The following FOXL2NB variants were observed in gnomAD, a reference collection of about 807,000 sequenced individuals.
The protein encoded by FOXL2NB is FOXL2 neighbor protein.
Under a neutral mutation model 7.4 loss-of-function variants are expected in FOXL2NB, and 10 were observed. That is an observed-to-expected ratio of 1.34 (90% CI 0.83 to 2.28). FOXL2NB has a LOEUF of 2.28. Ranked by LOEUF, FOXL2NB falls within the 30% of genes most tolerant of loss-of-function variation. FOXL2NB has a pLI of 0.00. For synonymous variants in FOXL2NB, 104 were observed against 105.3 expected (o/e 0.99, Z 0.08); for missense variants, 228 against 233.9 (o/e 0.97, Z 0.17).
rs1936132523 is a variant in FOXL2NB, at chr3:138,951,576, A to C, written c.*1004A>C. 1.3e-5 allele frequency: 2 copies of C among 152,224 alleles called. No individual in the cohort carries two copies. Among genetic ancestry groups the C allele is most frequent in the Non-Finnish European group, 2.9e-5 (2 of 68,058 alleles). 9.4% of individuals were successfully genotyped at this position (152,224 alleles called of 1,614,324 possible). A position where few individuals can be genotyped will look rare whatever the true frequency, so the allele number is the denominator to read the frequency against. ...GGCAGAAGGGTCTGGGTCCTGGGCC[A>C]AGTGAGGCCCTCTTCCCTCCAAAGA... On this transcript the variant is annotated 3_prime_UTR_variant, in exon 3 of 3. Transcript: ENST00000383165.
chr3:138,949,452 G>A lies in FOXL2NB; in HGVS notation c.101-68G>A, dbSNP rs1224617741. ...GGGCAAATGAAGGAGTTCCTCTGAA[G>A]GATTTTCAGAATAGAAAGGAGTTCT... On this transcript the variant is annotated intron_variant, in intron 1 of 2. Coordinates refer to ENST00000383165, the MANE Select transcript of FOXL2NB (RefSeq NM_001040061.3). This position sits in a 1 kb window ranked among gnomAD's most constrained non-coding sequence, Gnocchi z 4.5. The A allele has an allele frequency of 5.7e-6, 9 of 1,582,418 alleles. No homozygotes were observed. In the East Asian group the frequency reaches 1.6e-4, roughly 28 times the overall value.
At position 138,953,960 on chromosome 3, in the gene FOXL2NB, CATAA is replaced by C. The variant is rs1413316666; in HGVS notation, c.*3394_*3397del. ...ACATTTGTTTCCAGTTTTTGGATATCATAAATAAAGCTGCTGTGCACATTGTTGT... is the reference window on the plus strand; with the variant it reads ...ACATTTGTTTCCAGTTTTTGGATATCATAAAGCTGCTGTGCACATTGTTGT... On this transcript the variant is annotated 3_prime_UTR_variant, in exon 3 of 3. Coordinates refer to ENST00000383165, the MANE Select transcript of FOXL2NB (RefSeq NM_001040061.3). Among the ~76,000 whole-genome samples the C allele has an allele frequency of 6.6e-6, 1 of 152,172 alleles. No homozygotes were observed. Among genetic ancestry groups the C allele is most frequent in the Non-Finnish European group, 1.5e-5 (1 of 68,034 alleles).
rs749262156 is a variant in FOXL2NB at position 138,950,659 on chromosome 3, G to A, written c.*87G>A. The A allele has an allele frequency of 1.1e-5, 15 of 1,403,900 alleles. No individual in the cohort carries two copies. Among genetic ancestry groups the A allele is most frequent in the Non-Finnish European group, 1.5e-5 (15 of 1,009,906 alleles). 87.0% of individuals were successfully genotyped at this position (1,403,900 alleles called of 1,614,324 possible). A position where few individuals can be genotyped will look rare whatever the true frequency, so the allele number is the denominator to read the frequency against. ...CAGGGCCCTTTGCACCCACACCTCA[G>A]GGACTCGGTGTCCCTCCACTCAGGT... On this transcript the variant is annotated 3_prime_UTR_variant, in exon 3 of 3. Transcript: ENST00000383165.
At position 138,949,391 on chromosome 3, in the gene FOXL2NB, C is replaced by CGTGCGTGTGTGTGTGT. The variant is rs1553753221; in HGVS notation, c.101-126_101-125insCGTGTGTGTGTGTGTG. ...AAGAGCCTGTGTGTGTATGCATGTGCGTGTGTGTGTGTGTGTGTGTGTGTG... is the reference window on the plus strand; with the variant it reads ...AAGAGCCTGTGTGTGTATGCATGTGCGTGCGTGTGTGTGTGTGTGTGTGTGTGTGTGTGTGTGTGTG... On this transcript the variant is annotated intron_variant, in intron 1 of 2. Transcript: ENST00000383165. This position sits in a 1 kb window ranked among gnomAD's most constrained non-coding sequence, Gnocchi z 4.5. 4.9e-6 allele frequency: 4 copies of CGTGCGTGTGTGTGTGT among 818,024 alleles called. No homozygotes were observed. The African/African-American group carries it at 5.5e-5, about 11-fold the overall frequency. 50.7% of individuals were successfully genotyped at this position (818,024 alleles called of 1,614,324 possible).
rs899137190 is a variant in FOXL2NB, at chr3:138,951,467, C to T, written c.*895C>T. 1 of 152,198 alleles carries T rather than the reference C, an allele frequency of 6.6e-6. No homozygotes were observed. Among genetic ancestry groups the T allele is most frequent in the African/African-American group, 2.4e-5 (1 of 41,434 alleles). The allele number at this position is 152,198 out of a possible 1,614,324, so 9.4% of individuals were successfully genotyped here. A position where few individuals can be genotyped will look rare whatever the true frequency, so the allele number is the denominator to read the frequency against. The stretch of plus-strand genomic sequence containing the variant: ...TGAGTCCTCCAACACCATTTTGTCC[C>T]AAGGAGTATGTGCCCCATCGTCAAT... On this transcript the variant is annotated 3_prime_UTR_variant, in exon 3 of 3. Transcript: ENST00000383165.
At position 138,947,419 on chromosome 3, in the gene FOXL2NB, G is replaced by C. The variant is rs1035877375; in HGVS notation, c.55G>C (p.Gly19Arg). ...CACCCGGCCAAAGCCCAGGAAGCTCGGGCCCCAGCGAGGAAAGGCGCTCCA... is the reference window on the plus strand; with the variant it reads ...CACCCGGCCAAAGCCCAGGAAGCTCCGGCCCCAGCGAGGAAAGGCGCTCCA... Reference protein sequence around the residue: ...ARTRPKPRKLGPQRGKALQAS... With the variant: ...ARTRPKPRKLRPQRGKALQAS... Residue 19 changes from glycine to arginine, a missense_variant, in exon 1 of 3, where the codon GGG becomes CGG. Physicochemically the swap from Gly to Arg is moderately radical, Grantham distance 125. Transcript: ENST00000383165. This position sits in a 1 kb window ranked among gnomAD's most constrained non-coding sequence, Gnocchi z 5.2. 11 of 1,547,754 alleles carry C rather than the reference G, an allele frequency of 7.1e-6. No homozygotes were observed. Among genetic ancestry groups the C allele is most frequent in the African/African-American group, 4.1e-5 (3 of 72,954 alleles).
At chr3:138,948,707 C>T (rs1481234863) in intron 1 of FOXL2NB, among the ~76,000 whole-genome samples, 1 of 152,210 alleles carries the variant, frequency 6.6e-6, no homozygotes, top group African/African-American at 2.4e-5. Flanking sequence ...CTTCAGCGGC[C>T]TGTGGTTCCA....
At position 138,950,507 on chromosome 3, in the gene FOXL2NB, C is replaced by A. The variant is rs759709914; in HGVS notation, c.463C>A (p.Leu155Ile). ...GGAGAGAATAGAGCTTGCTGCAACC[C>A]TCTGCTTGGAGGGATGGCCTCTGCG... ...ERERIELAAT[L>I]CLEGWPLRCL... is the part of the protein sequence containing the mutation. Residue 155 changes from leucine to isoleucine, a missense_variant, in exon 3 of 3, where the codon CTC (leucine) becomes ATC (isoleucine). Leu to Ile is a conservative substitution (Grantham distance 5). Transcript: ENST00000383165. 2.2e-5 allele frequency: 36 copies of A among 1,614,122 alleles called. No homozygotes were observed. Among genetic ancestry groups the A allele is most frequent in the Non-Finnish European group, 2.9e-5 (34 of 1,180,044 alleles).
rs1936134328 is a variant in FOXL2NB, at chr3:138,951,668, C to G, written c.*1096C>G. The G allele has an allele frequency of 6.6e-6, 1 of 152,286 alleles. No homozygotes were observed. Among genetic ancestry groups the G allele is most frequent in the Admixed American group, 6.5e-5 (1 of 15,288 alleles). The allele number at this position is 152,286 out of a possible 1,614,324, so 9.4% of individuals were successfully genotyped here. ...GCTGCTGACAAGTTTCCTCTGATAT[C>G]CCTCATGACATCTATGGCCCAAAGC... On this transcript the variant is annotated 3_prime_UTR_variant, in exon 3 of 3. Coordinates refer to ENST00000383165, the MANE Select transcript of FOXL2NB (RefSeq NM_001040061.3).
rs1349686765 is a variant in FOXL2NB at position 138,953,818 on chromosome 3, T to A, written c.*3246T>A. ...TAGCATGTATGCCTTTATGTCTAGT[T>A]TTTTCTGTGCAACATATTTTTAATA... On this transcript the variant is annotated 3_prime_UTR_variant, in exon 3 of 3. Coordinates refer to ENST00000383165, the MANE Select transcript of FOXL2NB (RefSeq NM_001040061.3). Among the ~76,000 whole-genome samples, 2 of 152,246 alleles carry A rather than the reference T, an allele frequency of 1.3e-5. No homozygotes were observed. Among genetic ancestry groups the A allele is most frequent in the Admixed American group, 6.5e-5 (1 of 15,286 alleles).
chr3:138,947,499 C>G lies in FOXL2NB; in HGVS notation c.100+35C>G. 7.9e-6 allele frequency: 12 copies of G among 1,521,310 alleles called. No homozygotes were observed. The highest frequency in any genetic ancestry group is 1.1e-5 in the Non-Finnish European group (12 of 1,127,408). 94.2% of individuals were successfully genotyped at this position (1,521,310 alleles called of 1,614,324 possible). ...AACGACTCCTTTGCTCTGCCGTTTG[C>G]TGCCGTCTTGAGGCTGAACTTCTAG... On this transcript the variant is annotated intron_variant, in intron 1 of 2. Coordinates refer to ENST00000383165, the MANE Select transcript of FOXL2NB (RefSeq NM_001040061.3). This position sits in a 1 kb window ranked among gnomAD's most constrained non-coding sequence, Gnocchi z 5.2.
rs1415265718 is a variant in FOXL2NB, at chr3:138,952,945, C to T, written c.*2373C>T. ...GTGCACTTGTCACCCGAGCATTGTA[C>T]ACGGTACCCAGTGTGTAATCTTTTA... On this transcript the variant is annotated 3_prime_UTR_variant, in exon 3 of 3. Coordinates refer to ENST00000383165, the MANE Select transcript of FOXL2NB (RefSeq NM_001040061.3). 2 of 152,048 alleles carry T rather than the reference C, an allele frequency of 1.3e-5. No individual in the cohort carries two copies. Among genetic ancestry groups the T allele is most frequent in the Non-Finnish European group, 2.9e-5 (2 of 68,024 alleles). 9.4% of individuals were successfully genotyped at this position (152,048 alleles called of 1,614,324 possible).
In FOXL2NB at chr3:138,949,418, A is replaced by T; in HGVS notation, c.101-102A>T. 4.9e-6 allele frequency: 5 copies of T among 1,025,850 alleles called. No individual in the cohort carries two copies. The highest frequency in any genetic ancestry group is 5.4e-6 in the Non-Finnish European group (4 of 747,326). The allele number at this position is 1,025,850 out of a possible 1,614,324, so 63.5% of individuals were successfully genotyped here. On this transcript the variant is annotated intron_variant, in intron 1 of 2. Transcript: ENST00000383165. This position sits in a 1 kb window ranked among gnomAD's most constrained non-coding sequence, Gnocchi z 4.5. ...TGTGTGTGTGTGTGTGTGTGTGTGTAGGGGTTGGGGGCAAATGAAGGAGTT... is the reference window on the plus strand; with the variant it reads ...TGTGTGTGTGTGTGTGTGTGTGTGTTGGGGTTGGGGGCAAATGAAGGAGTT...
rs892792734 is a variant in FOXL2NB at position 138,953,469 on chromosome 3, T to C, written c.*2897T>C. On this transcript the variant is annotated 3_prime_UTR_variant, in exon 3 of 3. Transcript: ENST00000383165. ...GCTGTGAATGCCATTATTTTGTTCC[T>C]TTTTATGGCTGAGTAGTATTCCATG... is the stretch of plus-strand genomic sequence containing the variant. 3.3e-5 allele frequency: 5 copies of C among 152,268 alleles called. No homozygotes were observed. Among genetic ancestry groups the C allele is most frequent in the Admixed American group, 1.3e-4 (2 of 15,292 alleles). 9.4% of individuals were successfully genotyped at this position (152,268 alleles called of 1,614,324 possible).
chr3:138,949,732 T>C lies in FOXL2NB; in HGVS notation c.220+93T>C. ...AAAGCCAGGGGCTTCGGGCTGGAGA[T>C]AGAGGAATCTAGGGAGAGAACAGAA... On this transcript the variant is annotated intron_variant, in intron 2 of 2. Transcript: ENST00000383165. The surrounding 1 kb of genome is among the most constrained non-coding windows in gnomAD (Gnocchi z 4.5). The C allele has an allele frequency of 6.4e-7, 1 of 1,553,336 alleles. No homozygotes were observed. The highest frequency in any genetic ancestry group is 1.1e-5 in the South Asian group (1 of 89,752).
Position 138,947,259 on chromosome 3 carries a change from C to T in FOXL2NB, c.-106C>T. ...ACTTTTTGTAAACGCCCCGCACAGC[C>T]TGGACCGGCCTGCCCCCGCCCAGCG... On this transcript the variant is annotated 5_prime_UTR_variant, in exon 1 of 3. Coordinates refer to ENST00000383165, the MANE Select transcript of FOXL2NB (RefSeq NM_001040061.3). This position sits in a 1 kb window ranked among gnomAD's most constrained non-coding sequence, Gnocchi z 5.2. The T allele has an allele frequency of 1.1e-6, 1 of 892,182 alleles. No individual in the cohort carries two copies. Among genetic ancestry groups the T allele is most frequent in the Non-Finnish European group, 1.7e-6 (1 of 581,852 alleles). The allele number at this position is 892,182 out of a possible 1,614,324, so 55.3% of individuals were successfully genotyped here. A position where few individuals can be genotyped will look rare whatever the true frequency, so the allele number is the denominator to read the frequency against.
chr3:138,949,445 C>T lies in FOXL2NB; in HGVS notation c.101-75C>T. ...GGGTTGGGGGCAAATGAAGGAGTTC[C>T]TCTGAAGGATTTTCAGAATAGAAAG... On this transcript the variant is annotated intron_variant, in intron 1 of 2. Transcript: ENST00000383165. This position sits in a 1 kb window ranked among gnomAD's most constrained non-coding sequence, Gnocchi z 4.5. The T allele has an allele frequency of 6.4e-7, 1 of 1,566,608 alleles. No individual in the cohort carries two copies. Among genetic ancestry groups the T allele is most frequent in the Non-Finnish European group, 8.7e-7 (1 of 1,149,078 alleles).
intron 1 of FOXL2NB, among the ~76,000 whole-genome samples, chr3:138,948,195 T>C (rs938631234): frequency 8.5e-5 from 13 of 152,222 alleles, no homozygotes; most frequent in African/African-American, 2.9e-4. Context: ...CTTCGATGCC[T>C]CTTTCCCTCC....
rs757354859 is a variant in FOXL2NB at position 138,950,146 on chromosome 3, G to A, written c.221-119G>A. 4 of 1,104,554 alleles carry A rather than the reference G, an allele frequency of 3.6e-6. No homozygotes were observed. The African/African-American group carries it at 4.6e-5, about 13-fold the overall frequency. The allele number at this position is 1,104,554 out of a possible 1,614,324, so 68.4% of individuals were successfully genotyped here. On this transcript the variant is annotated intron_variant, in intron 2 of 2. Transcript: ENST00000383165. ...CCTGCGGATACGGTTCCAGTGAACCGCCGATTGAGCGCAGTCTCAGCTCCC... is the reference window on the plus strand; with the variant it reads ...CCTGCGGATACGGTTCCAGTGAACCACCGATTGAGCGCAGTCTCAGCTCCC...
Sources: allele counts gnomAD v4.1 joint callset (sites outside exome capture counted in the v4.1 genomes callset), GRCh38; gene constraint gnomAD v4.1.1; non-coding constraint Gnocchi (gnomAD v3.1); transcripts MANE v1.5; gene names NCBI Gene and HGNC (gene_info 2026-07-23, HGNC 2026-07-21).